Variants in USP32 observed in about 807,000 individuals in gnomAD.
The protein encoded by USP32 is ubiquitin specific peptidase 32.
Under a neutral mutation model 204.8 loss-of-function variants are expected in USP32, and 59 were observed. The observed-to-expected ratio is 0.29, with a 90% CI of 0.23 to 0.36. The LOEUF is 0.36. Ranked by LOEUF, USP32 falls within the 10% of genes least tolerant of loss-of-function variation. The pLI, the probability that USP32 is intolerant of heterozygous loss-of-function variation, is 1.00. For synonymous variants in USP32, 517 were observed against 678.4 expected (o/e 0.76, Z 3.70); for missense variants, 1,160 against 1,946.4 (o/e 0.60, Z 7.60).
chr17:60,187,817 A>C (rs2084287685), intron 29 of USP32, among the ~76,000 whole-genome samples: 1 of 152,328 alleles, frequency 6.6e-6, no homozygotes, highest in Non-Finnish European at 1.5e-5. Flanking sequence ...ACTATTGTTT[A>C]AATAATCTAT....
chr17:60,274,263 T>C (rs1456381705), intron 5 of USP32, among the ~76,000 whole-genome samples: 1 of 152,100 alleles, frequency 6.6e-6, no homozygotes, highest in African/African-American at 2.4e-5. Context: ...ATCTAAATGA[T>C]AGCATAAAGA....
intron 1 of USP32, among the ~76,000 whole-genome samples, chr17:60,375,396 T>C (rs942446253): frequency 1.3e-5 from 2 of 152,074 alleles, no homozygotes; most frequent in African/African-American, 2.4e-5. Context: ...ACATATAATA[T>C]AGATTTACTC....
chr17:60,349,397 T>G (rs2088864946), intron 1 of USP32, among the ~76,000 whole-genome samples: 1 of 148,904 alleles, frequency 6.7e-6, no homozygotes, highest in Non-Finnish European at 1.5e-5. Context: ...CTGGCCAACA[T>G]GGTGAAATCC....
chr17:60,231,522 C>G (rs763706569), intron 12 of USP32: 4 of 512,380 alleles, frequency 7.8e-6, no homozygotes, highest in Non-Finnish European at 1.6e-5. Flanking sequence ...CTACACATGT[C>G]TGAGGCAGGA....
chr17:60,267,329 G>A (rs567805018), intron 7 of USP32, among the ~76,000 whole-genome samples: 44 of 151,966 alleles, frequency 2.9e-4, no homozygotes, highest in African/African-American at 9.6e-4. Context: ...GCTTGAACCC[G>A]GGAGGCGGAG....
At chr17:60,347,793 A>G (rs939404928) in intron 1 of USP32, among the ~76,000 whole-genome samples, 3 of 151,726 alleles carry the variant, frequency 2.0e-5, no homozygotes, top group Non-Finnish European at 4.4e-5. Flanking sequence ...AGAAACTTCA[A>G]GGATTATGTT....
At chr17:60,324,972 C>T (rs771901687) in intron 2 of USP32, among the ~76,000 whole-genome samples, 47 of 152,106 alleles carry the variant, frequency 3.1e-4, no homozygotes, top group Non-Finnish European at 5.6e-4. Context: ...CATTGCACCC[C>T]AGTCTGGGCA....
At chr17:60,392,432 G>T (rs2089858517), upstream of USP32, 1 of 237,376 alleles carries the variant, frequency 4.2e-6, no homozygotes, top group Non-Finnish European at 8.7e-6. Flanking sequence ...CCGCCCGGGC[G>T]CCTCCGCTGG....
chr17:60,296,357 A>G (rs2087428752), intron 3 of USP32, among the ~76,000 whole-genome samples: 2 of 152,186 alleles, frequency 1.3e-5, no homozygotes, highest in Admixed American at 1.3e-4. Flanking sequence ...ATATAATATG[A>G]CTGGTGCCCT....
rs190991390 is a variant in USP32 at position 60,309,973 on chromosome 17, G to A, written c.187-8269C>T. On this transcript the variant is annotated intron_variant, in intron 2 of 33. Transcript: ENST00000300896. ...GCAGGAGAACTGTTTGAACCTGGGA[G>A]GTGGAGGTTGCAGTGAGCCGAGATT... 2.4e-3 allele frequency among the ~76,000 whole-genome samples: 362 copies of A among 152,236 alleles called. 2 individuals carry two copies. Among genetic ancestry groups the A allele is most frequent in the Non-Finnish European group, 4.4e-3 (297 of 68,008 alleles).
chr17:60,421,717 C>A, intron 1 of USP32: 2 of 793,958 alleles, frequency 2.5e-6, no homozygotes, highest in Non-Finnish European at 1.5e-6. Flanking sequence ...CCCTGCCCGG[C>A]CAACTCAGAC....
intron 4 of USP32, among the ~76,000 whole-genome samples, chr17:60,292,197 A>G (rs529404981): frequency 5.1e-4 from 78 of 152,028 alleles, no homozygotes; most frequent in Non-Finnish European, 9.9e-4. Flanking sequence ...CTTGCAGGCT[A>G]TTTCTTAGTG....
At chr17:60,247,771 C>T (rs571449067) in intron 11 of USP32, among the ~76,000 whole-genome samples, 1 of 152,134 alleles carries the variant, frequency 6.6e-6, no homozygotes, top group African/African-American at 2.4e-5. Context: ...GCAACCTCCA[C>T]CTCCCCAGTT....
chr17:60,349,620 TA>T (rs1355520528), intron 1 of USP32, among the ~76,000 whole-genome samples: 64 of 72,188 alleles, frequency 8.9e-4, no homozygotes, highest in African/African-American at 2.4e-3. Flanking sequence ...TATATATATA[TA>T]TATTATATAT....
chr17:60,323,247 C>A (rs2088155173), intron 2 of USP32, among the ~76,000 whole-genome samples: 1 of 150,790 alleles, frequency 6.6e-6, no homozygotes, highest in South Asian at 2.1e-4. Flanking sequence ...CCCAAATATT[C>A]ATTAACTGAT....
At chr17:60,254,150 C>T (rs1259491478) in intron 10 of USP32, among the ~76,000 whole-genome samples, 1 of 152,100 alleles carries the variant, frequency 6.6e-6, no homozygotes, top group African/African-American at 2.4e-5. Flanking sequence ...ACTAAAATAA[C>T]CACTATTAAA....
At chr17:60,246,268 G>A (rs1251894923) in intron 11 of USP32, among the ~76,000 whole-genome samples, 12 of 152,056 alleles carry the variant, frequency 7.9e-5, no homozygotes, top group Non-Finnish European at 1.2e-4. Context: ...GTGAGAACAC[G>A]TGATATTTGT....
At chr17:60,283,803 C>T (rs114978821) in intron 5 of USP32, among the ~76,000 whole-genome samples, 84 of 151,618 alleles carry the variant, frequency 5.5e-4, no homozygotes, top group African/African-American at 1.7e-3. Context: ...TTCAGAAATA[C>T]CTCAAGAGCA....
intron 1 of USP32, among the ~76,000 whole-genome samples, chr17:60,368,108 C>G (rs905581533): frequency 6.6e-6 from 1 of 152,136 alleles, no homozygotes; most frequent in Non-Finnish European, 1.5e-5. Flanking sequence ...GACTCCTGTC[C>G]TTCAAAGAGC....
Sources: gnomAD v4.1 joint callset for allele counts (sites outside exome capture counted in the v4.1 genomes callset) on GRCh38, gnomAD v4.1.1 for gene constraint, MANE v1.5 for transcripts, NCBI Gene and HGNC (gene_info 2026-07-23, HGNC 2026-07-21) for gene names.